The following TMEFF2 variants were observed in gnomAD, a reference collection of about 807,000 sequenced individuals.
TMEFF2 encodes transmembrane protein with EGF like and two follistatin like domains 2, also known as tomoregulin-2.
A neutral mutation model predicts 53.8 loss-of-function variants in TMEFF2; 28 were observed. The observed-to-expected ratio is 0.52, with a 90% CI of 0.39 to 0.71. The LOEUF (loss-of-function observed/expected upper bound fraction) is 0.71, where lower values mean the gene tolerates loss of function less well. Ranked by LOEUF, TMEFF2 falls within the 30% of genes least tolerant of loss-of-function variation. TMEFF2 has a pLI of 0.00. For synonymous variants in TMEFF2, 162 were observed against 166.3 expected (o/e 0.97, Z 0.20); for missense variants, 353 against 455.2 (o/e 0.78, Z 2.04).
intron 5 of TMEFF2, chr2:192,029,170 G>T (rs1687053075): frequency 6.6e-6 from 1 of 152,144 alleles, no homozygotes; most frequent in Non-Finnish European, 1.5e-5. Context: ...AGGGGTTGGG[G>T]GAAGGGAGGG....
At chr2:191,984,497 A>G (rs1221391585) in intron 7 of TMEFF2, among the ~76,000 whole-genome samples, 1 of 152,174 alleles carries the variant, frequency 6.6e-6, no homozygotes, top group Non-Finnish European at 1.5e-5. Flanking sequence ...TCTCAATGAA[A>G]TCCCTGAAAT....
chr2:192,029,740 A>G (rs1182939266), intron 5 of TMEFF2, among the ~76,000 whole-genome samples: 1 of 152,254 alleles, frequency 6.6e-6, no homozygotes, highest in African/African-American at 2.4e-5. Flanking sequence ...TGAGGCATTT[A>G]AAATTTGTAT....
chr2:192,105,553 T>C (rs73045728), intron 4 of TMEFF2, among the ~76,000 whole-genome samples: 15,212 of 151,886 alleles, frequency 0.1, 907 homozygotes, highest in East Asian at 0.2. Flanking sequence ...AGCTGTTAGG[T>C]ATGTTGTCCA....
At chr2:192,037,486 G>A (rs1427376089) in intron 5 of TMEFF2, among the ~76,000 whole-genome samples, 1 of 151,660 alleles carries the variant, frequency 6.6e-6, no homozygotes, top group Non-Finnish European at 1.5e-5. Flanking sequence ...GCAGGTCCAC[G>A]ATATGGAAAG....
At chr2:192,031,859 G>T (rs997802496) in intron 5 of TMEFF2, 18 of 152,176 alleles carry the variant, frequency 1.2e-4, no homozygotes, top group African/African-American at 4.1e-4. Context: ...GGAAAAGGTA[G>T]AGATGACCAC....
chr2:191,964,255 TCCTC>T (rs1427058834), intron 7 of TMEFF2, among the ~76,000 whole-genome samples: 5 of 69,260 alleles, frequency 7.2e-5, no homozygotes, highest in African/African-American at 2.4e-4. Context: ...CTTCCTTCCT[TCCTC>T]CTTTCTTTTC....
chr2:192,177,370 T>C (rs1051877710), intron 4 of TMEFF2: 1 of 151,156 alleles, frequency 6.6e-6, no homozygotes, highest in East Asian at 1.9e-4. Flanking sequence ...AGGTTTTAGT[T>C]ACTAAGCATT....
intron 5 of TMEFF2, among the ~76,000 whole-genome samples, chr2:192,054,979 TCTTGGAGAATGGAGCTATA>T (rs58530656): frequency 0.74 from 112,230 of 151,824 alleles, 43,562 homozygotes; most frequent in Non-Finnish European, 0.87. Flanking sequence ...GTCTTAAATG[TCTTGGAGAATGGAGCTATA>T]CCACTTAAAG....
At chr2:192,174,600 G>A (rs758189006) in intron 4 of TMEFF2, among the ~76,000 whole-genome samples, 7 of 151,788 alleles carry the variant, frequency 4.6e-5, no homozygotes, top group Non-Finnish European at 8.9e-5. Flanking sequence ...ATGGCTATAC[G>A]CTCATCTCCA....
intron 4 of TMEFF2, among the ~76,000 whole-genome samples, chr2:192,104,871 A>G (rs999456383): frequency 1.3e-5 from 2 of 152,032 alleles, no homozygotes; most frequent in African/African-American, 4.8e-5. Context: ...GTTTAATTCT[A>G]TATTTGTGTC....
chr2:191,962,119 G>T (rs1214169463), intron 7 of TMEFF2, among the ~76,000 whole-genome samples: 1 of 152,156 alleles, frequency 6.6e-6, no homozygotes, highest in East Asian at 1.9e-4. Context: ...TCAAAACAGA[G>T]ACCAAGTCCT....
At chr2:192,040,999 G>A (rs1025897895) in intron 5 of TMEFF2, among the ~76,000 whole-genome samples, 2 of 152,012 alleles carry the variant, frequency 1.3e-5, no homozygotes, top group African/African-American at 4.8e-5. Flanking sequence ...CCTAAATATA[G>A]AGCTAAAACT....
chr2:192,018,939 A>G (rs1188850570), intron 5 of TMEFF2, among the ~76,000 whole-genome samples: 1 of 152,022 alleles, frequency 6.6e-6, no homozygotes, highest in Non-Finnish European at 1.5e-5. Context: ...TTCTAGCCAC[A>G]ATCATATTAA....
At chr2:192,154,432 G>A (rs1447029584) in intron 4 of TMEFF2, among the ~76,000 whole-genome samples, 2 of 151,910 alleles carry the variant, frequency 1.3e-5, no homozygotes, top group East Asian at 3.9e-4. Context: ...TTAAATTTCT[G>A]ACTTAGCCAT....
intron 3 of TMEFF2, among the ~76,000 whole-genome samples, chr2:192,180,287 C>T (rs1390264314): frequency 6.6e-6 from 1 of 151,538 alleles, no homozygotes; most frequent in Non-Finnish European, 1.5e-5. Context: ...GTCAGATATT[C>T]ACTAAATGAT....
intron 5 of TMEFF2, among the ~76,000 whole-genome samples, chr2:192,010,193 CA>C (rs1262548441): frequency 6.6e-6 from 1 of 152,110 alleles, no homozygotes; most frequent in African/African-American, 2.4e-5. Flanking sequence ...ATGTTAAACT[CA>C]AAAACACATG....
intron 3 of TMEFF2, among the ~76,000 whole-genome samples, chr2:192,181,641 T>C (rs1378910360): frequency 1.3e-5 from 2 of 151,758 alleles, no homozygotes; most frequent in African/African-American, 2.4e-5. Context: ...GTCAGGAACA[T>C]AATAATTAAA....
intron 4 of TMEFF2, among the ~76,000 whole-genome samples, chr2:192,107,131 G>T (rs1423741396): frequency 6.6e-6 from 1 of 151,732 alleles, no homozygotes; most frequent in African/African-American, 2.4e-5. Context: ...GACTAAAAGT[G>T]TTTGTACTTT....
chr2:191,960,656 C>G (rs1333730778), intron 7 of TMEFF2, among the ~76,000 whole-genome samples: 1 of 152,156 alleles, frequency 6.6e-6, no homozygotes, highest in Non-Finnish European at 1.5e-5. Context: ...TATACAAATT[C>G]TTAGGCCATT....
Sources: gnomAD v4.1 joint callset for allele counts (sites outside exome capture counted in the v4.1 genomes callset) on GRCh38, gnomAD v4.1.1 for gene constraint, MANE v1.5 for transcripts, NCBI Gene and HGNC (gene_info 2026-07-23, HGNC 2026-07-21) for gene names.